The following COP1 variants were observed in gnomAD, a reference collection of about 807,000 sequenced individuals.
The protein encoded by COP1 is E3 ubiquitin-protein ligase COP1.
COP1 carries 24 observed loss-of-function variants against 101.3 expected under a neutral mutation model. That is an observed-to-expected ratio of 0.24 (90% CI 0.17 to 0.33). The LOEUF (loss-of-function observed/expected upper bound fraction) is 0.33. Ranked by LOEUF, COP1 falls within the 10% of genes least tolerant of loss-of-function variation. The pLI is 1.00. For missense variants in COP1, 663 were observed against 906.2 expected, an observed-to-expected ratio of 0.73 and a Z score of 3.45; for synonymous variants, 347 against 341.9, an observed-to-expected ratio of 1.01 and a Z score of -0.17.
intron 15 of COP1, among the ~76,000 whole-genome samples, chr1:175,998,933 C>T (rs1660932194): frequency 6.6e-6 from 1 of 151,974 alleles, no homozygotes. Context: ...CACTCAATTC[C>T]ACTCATGTTA....
chr1:176,155,619 G>T (rs990820015), intron 5 of COP1, among the ~76,000 whole-genome samples: 1 of 151,710 alleles, frequency 6.6e-6, no homozygotes, highest in Non-Finnish European at 1.5e-5. Context: ...GAATTTGTTC[G>T]CTGCCAAAAA....
At chr1:176,066,853 C>A (rs1227690037) in intron 11 of COP1, among the ~76,000 whole-genome samples, 1 of 152,076 alleles carries the variant, frequency 6.6e-6, no homozygotes, top group East Asian at 1.9e-4. Flanking sequence ...AGCACTAAGA[C>A]AAGTAAGTTA....
chr1:176,025,707 T>C (rs746050326), intron 15 of COP1, among the ~76,000 whole-genome samples: 24 of 152,000 alleles, frequency 1.6e-4, no homozygotes, highest in South Asian at 2.1e-4. Flanking sequence ...CTGAGCAACA[T>C]GGCAAAACCT....
intron 19 of COP1, among the ~76,000 whole-genome samples, chr1:175,945,915 T>A (rs527947560): frequency 2.2e-4 from 33 of 152,348 alleles, no homozygotes; most frequent in African/African-American, 7.9e-4. Flanking sequence ...ATTAGGTAAC[T>A]AGGCTACTTA....
intron 18 of COP1, among the ~76,000 whole-genome samples, chr1:175,960,460 G>A (rs1382552828): frequency 2.0e-5 from 3 of 152,096 alleles, no homozygotes; most frequent in African/African-American, 4.8e-5. Flanking sequence ...AATTGCTTCT[G>A]GCTTAGCAGT....
At position 175,960,341 on chromosome 1, in the gene COP1, CAA is replaced by C. The variant is rs1651187042; in HGVS notation, c.2134-13104_2134-13103del. Among the ~76,000 whole-genome samples, 3 of 152,148 alleles carry C rather than the reference CAA, an allele frequency of 2.0e-5. No homozygotes were observed. In the South Asian group the frequency reaches 6.2e-4, roughly 32 times the overall value. On this transcript the variant is annotated intron_variant, in intron 18 of 19. Transcript: ENST00000367669. ...AATCTCAGTCTCCATAACTATAAAA[CAA>C]TGCTAATAAAACTAAGCTAACAGAA...
At chr1:176,136,854 C>G (rs1048164976) in intron 6 of COP1, among the ~76,000 whole-genome samples, 1 of 151,942 alleles carries the variant, frequency 6.6e-6, no homozygotes, top group African/African-American at 2.4e-5. Context: ...AGCCAAAGAA[C>G]TTTCACATTA....
At chr1:175,982,533 T>C (rs1037375786) in intron 18 of COP1, 5 of 354,878 alleles carry the variant, frequency 1.4e-5, no homozygotes, top group African/African-American at 4.3e-5. Flanking sequence ...TTCTTAATAA[T>C]ATTTTCTTTT....
At chr1:176,011,535 C>A (rs1664672737) in intron 15 of COP1, among the ~76,000 whole-genome samples, 1 of 152,134 alleles carries the variant, frequency 6.6e-6, no homozygotes, top group Non-Finnish European at 1.5e-5. Flanking sequence ...ACTCCATAAA[C>A]CAGAGAGTAT....
intron 9 of COP1, among the ~76,000 whole-genome samples, chr1:176,089,009 A>AG (rs1223019000): frequency 2.0e-5 from 3 of 150,946 alleles, no homozygotes; most frequent in Non-Finnish European, 4.4e-5. Flanking sequence ...AAAAAAAAAA[A>AG]AAATCTATTT....
At chr1:176,095,680 G>GAA (rs60886371) in intron 9 of COP1, among the ~76,000 whole-genome samples, 11 of 87,524 alleles carry the variant, frequency 1.3e-4, no homozygotes, top group Non-Finnish European at 1.4e-4. Flanking sequence ...CCCTGTCTCA[G>GAA]AAAAAAAAAA....
rs1461319578 is a variant in COP1, at chr1:176,206,623, A to T, written c.356T>A (p.Leu119His). Reference sequence around the variant, plus strand: ...GTAGGAGTTGATGAGCCCGTTGCAGAGGGGGGCGAGGAGAGGTCGCTTCCT... The same window carrying T: ...GTAGGAGTTGATGAGCCCGTTGCAGTGGGGGGCGAGGAGAGGTCGCTTCCT... ...GSRKRPLLAP[L>H]CNGLINSYED... The change falls in exon 1 of 20, where the codon CTC becomes CAC. Residue 119 changes from leucine (L) to histidine (H), a missense_variant. Around this residue, in one of 4 missense-constraint regions of COP1, gnomAD observed 204 missense variants for 203.6 expected, o/e 1.00. Transcript: ENST00000367669. 5.0e-6 allele frequency: 8 copies of T among 1,612,014 alleles called. No individual in the cohort carries two copies. Among genetic ancestry groups the T allele is most frequent in the African/African-American group, 1.3e-5 (1 of 74,922 alleles).
intron 15 of COP1, among the ~76,000 whole-genome samples, chr1:175,992,153 A>G (rs760561335): frequency 6.6e-6 from 1 of 152,196 alleles, no homozygotes; most frequent in Non-Finnish European, 1.5e-5. Context: ...CAGGCATGCA[A>G]TGCATAATAA....
intron 11 of COP1, among the ~76,000 whole-genome samples, chr1:176,062,848 TC>T (rs1378434481): frequency 6.6e-6 from 1 of 152,064 alleles, no homozygotes; most frequent in Non-Finnish European, 1.5e-5. Flanking sequence ...GGCAGCAACA[TC>T]AATGAATCTC....
chr1:176,023,138 CCTAT>C, intron 15 of COP1, among the ~76,000 whole-genome samples: 1 of 152,244 alleles, frequency 6.6e-6, no homozygotes, highest in South Asian at 2.1e-4. Context: ...GCTCTCCTGG[CCTAT>C]CTGATGATGA....
At chr1:176,091,975 T>G (rs868318007) in intron 9 of COP1, among the ~76,000 whole-genome samples, 1 of 151,972 alleles carries the variant, frequency 6.6e-6, no homozygotes, top group Non-Finnish European at 1.5e-5. Context: ...AGATTCAAGA[T>G]GAAAAACATT....
At chr1:176,012,020 T>A (rs1451805436) in intron 15 of COP1, among the ~76,000 whole-genome samples, 2 of 151,992 alleles carry the variant, frequency 1.3e-5, no homozygotes, top group Non-Finnish European at 2.9e-5. Flanking sequence ...AAAAAAAAAC[T>A]GTAATACAAC....
At chr1:176,113,560 A>G (rs1685649642) in intron 9 of COP1, among the ~76,000 whole-genome samples, 1 of 152,134 alleles carries the variant, frequency 6.6e-6, no homozygotes, top group South Asian at 2.1e-4. Flanking sequence ...AGTAGTGTTA[A>G]TATAAATGGT....
chr1:176,084,472 T>C (rs569033527), intron 10 of COP1, among the ~76,000 whole-genome samples: 1 of 152,268 alleles, frequency 6.6e-6, no homozygotes, highest in African/African-American at 2.4e-5. Context: ...AAGCTACCAA[T>C]GACTTTCTTC....
Sources: allele counts gnomAD v4.1 joint callset (sites outside exome capture counted in the v4.1 genomes callset), GRCh38; gene constraint gnomAD v4.1.1; regional missense constraint gnomAD v4.1.1; transcripts MANE v1.5; gene names NCBI Gene and HGNC (gene_info 2026-07-23, HGNC 2026-07-21).